The following SHANK2 variants were observed in gnomAD, a reference collection of about 807,000 sequenced individuals.
The protein encoded by SHANK2 is SH3 and multiple ankyrin repeat domains 2.
Under a neutral mutation model 133.7 loss-of-function variants are expected in SHANK2, and 43 were observed. The observed-to-expected ratio is 0.32, with a 90% CI of 0.25 to 0.41. The LOEUF (loss-of-function observed/expected upper bound fraction) is 0.41. Ranked by LOEUF, SHANK2 falls within the 10% of genes least tolerant of loss-of-function variation. The probability of loss-of-function intolerance (pLI) is 1.00; values close to 1 mark genes in which losing one functional copy is unlikely to be tolerated. For synonymous variants in SHANK2, 1,017 were observed against 952.8 expected (o/e 1.07, Z -1.24); for missense variants, 1,994 against 2,235.8 (o/e 0.89, Z 2.18).
At chr11:71,205,375 C>G (rs1954107712) in intron 2 of SHANK2, among the ~76,000 whole-genome samples, 2 of 152,330 alleles carry the variant, frequency 1.3e-5, no homozygotes, top group South Asian at 4.1e-4. Flanking sequence ...AGTGGCAAAT[C>G]CAGCAGTGTC....
chr11:70,923,077 GAC>G (rs1213515183), intron 10 of SHANK2, among the ~76,000 whole-genome samples: 2 of 152,130 alleles, frequency 1.3e-5, no homozygotes, highest in Non-Finnish European at 2.9e-5. Context: ...CAATCCAACT[GAC>G]ACTTTTTATG....
intron 14 of SHANK2, among the ~76,000 whole-genome samples, chr11:70,712,719 G>A (rs1945817318): frequency 6.6e-6 from 1 of 152,216 alleles, no homozygotes; most frequent in Admixed American, 6.5e-5. Context: ...CAGCACGATG[G>A]TTCCTCGCTC....
chr11:70,907,049 G>A (rs2135709137), intron 10 of SHANK2, among the ~76,000 whole-genome samples: 1 of 152,360 alleles, frequency 6.6e-6, no homozygotes, highest in South Asian at 2.1e-4. Context: ...GATAGAGCCA[G>A]GGCTGACTCA....
chr11:70,915,307 A>G (rs1950254803), intron 10 of SHANK2, among the ~76,000 whole-genome samples: 1 of 152,154 alleles, frequency 6.6e-6, no homozygotes, highest in Non-Finnish European at 1.5e-5. Context: ...CAGACTGTAC[A>G]CACACCCCCA....
chr11:70,810,586 C>T (rs1411276885), intron 12 of SHANK2, among the ~76,000 whole-genome samples: 1 of 152,234 alleles, frequency 6.6e-6, no homozygotes, highest in East Asian at 1.9e-4. Context: ...GGCTGGCGGC[C>T]ATCATGGGCT....
At chr11:71,138,718 T>C (rs1386968742) in intron 3 of SHANK2, among the ~76,000 whole-genome samples, 1 of 148,598 alleles carries the variant, frequency 6.7e-6, no homozygotes, top group Non-Finnish European at 1.5e-5. Flanking sequence ...GAAGATCCCT[T>C]GAGCCAAGGG....
At chr11:71,166,473 C>CTTTTTTTTTTTTTTTTTTT (rs1322143159) in intron 2 of SHANK2, among the ~76,000 whole-genome samples, 3 of 131,384 alleles carry the variant, frequency 2.3e-5, no homozygotes, top group African/African-American at 5.7e-5. Context: ...ATCCACACGT[C>CTTTTTTTTTTTTTTTTTTT]TTTTTTTTCT....
At chr11:70,864,049 C>T (rs1798229018) in intron 11 of SHANK2, 1 of 345,784 alleles carries the variant, frequency 2.9e-6, no homozygotes. Context: ...TCTCTACGAC[C>T]TGGGCACCTT....
intron 14 of SHANK2, among the ~76,000 whole-genome samples, chr11:70,735,490 G>A (rs1254041056): frequency 1.3e-5 from 2 of 152,272 alleles, no homozygotes; most frequent in South Asian, 4.1e-4. Context: ...CAGATCACGA[G>A]GTCAGGAGTT....
At chr11:70,682,693 G>A (rs995065588) in intron 15 of SHANK2, among the ~76,000 whole-genome samples, 1 of 152,148 alleles carries the variant, frequency 6.6e-6, no homozygotes, top group African/African-American at 2.4e-5. Flanking sequence ...GGAAGTTTCC[G>A]GTTTGCCCAA....
intron 8 of SHANK2, among the ~76,000 whole-genome samples, chr11:71,088,643 G>A (rs1951451333): frequency 6.6e-6 from 1 of 152,064 alleles, no homozygotes. Flanking sequence ...CCCGCCCCTC[G>A]CCCAGCCATG....
intron 3 of SHANK2, among the ~76,000 whole-genome samples, chr11:71,138,261 C>T (rs1264325423): frequency 2.0e-5 from 3 of 152,216 alleles, no homozygotes; most frequent in South Asian, 2.1e-4. Context: ...AATGGCCGGG[C>T]GCCTCATGGT....
intron 3 of SHANK2, among the ~76,000 whole-genome samples, chr11:71,133,233 G>GATGA (rs1226250314): frequency 7.0e-6 from 1 of 143,120 alleles, no homozygotes; most frequent in Admixed American, 6.8e-5. Context: ...TGGATGCACA[G>GATGA]ATGAATGGAT....
chr11:71,069,664 T>C (rs1330000298), intron 9 of SHANK2, among the ~76,000 whole-genome samples: 1 of 152,220 alleles, frequency 6.6e-6, no homozygotes, highest in East Asian at 1.9e-4. Flanking sequence ...GATAAGGAAA[T>C]TCAGGGCCCT....
At chr11:70,743,434 C>A (rs2134827452) in intron 14 of SHANK2, among the ~76,000 whole-genome samples, 1 of 152,326 alleles carries the variant, frequency 6.6e-6, no homozygotes, top group East Asian at 1.9e-4. Context: ...AGGCTGCTGT[C>A]TGCAGACCAT....
chr11:70,937,043 T>C (rs771784109), intron 10 of SHANK2, among the ~76,000 whole-genome samples: 67 of 152,308 alleles, frequency 4.4e-4, no homozygotes, highest in Non-Finnish European at 3.2e-4. Context: ...AGACCGAGAT[T>C]TGTAGCATCA....
rs559636400 is a variant in SHANK2, at chr11:70,513,175, T to A, written c.2062-10244A>T. Among the ~76,000 whole-genome samples the A allele has an allele frequency of 2.1e-3, 320 of 151,936 alleles. 1 individual carries two copies. Among genetic ancestry groups the A allele is most frequent in the African/African-American group, 7.0e-3 (291 of 41,472 alleles). On this transcript the variant is annotated intron_variant, in intron 17 of 25. Coordinates refer to ENST00000601538, the MANE Select transcript of SHANK2 (RefSeq NM_012309.5). ...CCTGCAGTTTTTTGTTTTTTTTTTT[T>A]AAATCCAGATCCTGCACAAACCTGC...
intron 1 of SHANK2, among the ~76,000 whole-genome samples, chr11:71,251,748 G>C (rs113761288): frequency 6.6e-6 from 1 of 150,468 alleles, no homozygotes; most frequent in Non-Finnish European, 1.5e-5. Context: ...CGCGACCCCC[G>C]GGACCTGGGC....
chr11:70,524,306 C>A (rs4980535), intron 17 of SHANK2, among the ~76,000 whole-genome samples: 1 of 152,152 alleles, frequency 6.6e-6, no homozygotes, highest in African/African-American at 2.4e-5. Context: ...CTCACATCCA[C>A]GCTCGCCTTA....
Sources: gnomAD v4.1 joint callset for allele counts (sites outside exome capture counted in the v4.1 genomes callset) on GRCh38, gnomAD v4.1.1 for gene constraint, MANE v1.5 for transcripts, NCBI Gene and HGNC (gene_info 2026-07-23, HGNC 2026-07-21) for gene names.